RPL7L1: variants seen among roughly 807,000 people sequenced by gnomAD.
RPL7L1 encodes the protein ribosomal protein L7 like 1.
A neutral mutation model predicts 30.3 loss-of-function variants in RPL7L1; 20 were observed. The observed-to-expected ratio is 0.66, with a 90% CI of 0.46 to 0.96. The LOEUF is 0.96. Ranked by LOEUF, RPL7L1 falls within the 40% of genes least tolerant of loss-of-function variation. RPL7L1 has a pLI of 0.00. For synonymous variants in RPL7L1, 107 were observed against 110.1 expected, an observed-to-expected ratio of 0.97 and a Z score of 0.18; for missense variants, 271 against 314.9, an observed-to-expected ratio of 0.86 and a Z score of 1.05.
chr6:42,879,898 G>GGT lies in RPL7L1; in HGVS notation c.-11_-10dup. The GGT allele has an allele frequency of 6.2e-7, 1 of 1,613,548 alleles. No homozygotes were observed. Among genetic ancestry groups the GGT allele is most frequent in the Non-Finnish European group, 8.5e-7 (1 of 1,179,670 alleles). On this transcript the variant is annotated 5_prime_UTR_variant, in exon 1 of 6. Coordinates refer to ENST00000493763, the MANE Select transcript of RPL7L1 (RefSeq NM_001366481.3). ...AGAGCGTGTGCTGTCTTCCCCATGTGGTGGGGTTGCGCATGATCAGTAGCT... is the reference window on the plus strand; with the variant it reads ...AGAGCGTGTGCTGTCTTCCCCATGTGGTGTGGGGTTGCGCATGATCAGTAGCT...
chr6:42,884,876 C>G, intron 4 of RPL7L1, 126 bp downstream of exon 4: 1 of 890,072 alleles, frequency 1.1e-6, no homozygotes, highest in East Asian at 2.5e-5. Flanking sequence ...CACAGTCAAC[C>G]TGAAATCAGT....
intron 2 of RPL7L1, 75 bp from the exon 3 acceptor site, chr6:42,883,376 A>G (rs1766149199): frequency 2.6e-6 from 3 of 1,165,098 alleles, no homozygotes; most frequent in African/African-American, 1.5e-5. Flanking sequence ...ATCAGTTGTC[A>G]CTTATGAATT....
intron 1 of RPL7L1, 144 bp downstream of exon 1, chr6:42,880,095 T>TAGC: frequency 2.4e-6 from 2 of 830,628 alleles, no homozygotes; most frequent in Non-Finnish European, 2.0e-6. Context: ...TGAGGAGGAG[T>TAGC]AGCGCTGTGG....
chr6:42,883,704 A>C (rs1481967650), intron 3 of RPL7L1, 90 bp downstream of exon 3: 1 of 1,083,292 alleles, frequency 9.2e-7, no homozygotes, highest in Non-Finnish European at 1.3e-6. Context: ...AATATGCCCC[A>C]AGCCACTCAG....
In RPL7L1 at chr6:42,884,637, G is replaced by A; in HGVS notation, c.336G>A (p.Val112=). 4 of 1,613,104 alleles carry A rather than the reference G, an allele frequency of 2.5e-6. No individual in the cohort carries two copies. The highest frequency in any genetic ancestry group is 3.4e-6 in the Non-Finnish European group (4 of 1,179,780). The change falls in exon 4 of 6, where the codon GTG becomes GTA. Residue 112 remains valine (V), a synonymous_variant. Transcript: ENST00000493763. Reference sequence around the variant, plus strand: ...GGATTGACGGCGTGAGTTTACTGGTGCAGAGAACCATTGCAAGACTTCGCC... The same window carrying A: ...GGATTGACGGCGTGAGTTTACTGGTACAGAGAACCATTGCAAGACTTCGCC... ...IERIDGVSLL[V]QRTIARLRLK...
Position 42,888,471 on chromosome 6 carries a change from T to C in RPL7L1, c.*2007T>C, listed in dbSNP as rs895008298. ...CTGCGCCCAGCTCTTGTGTACCTTATGTGAGGAAGTCCTGCTCAATCAGGA... is the reference window on the plus strand; with the variant it reads ...CTGCGCCCAGCTCTTGTGTACCTTACGTGAGGAAGTCCTGCTCAATCAGGA... On this transcript the variant is annotated 3_prime_UTR_variant, in exon 6 of 6. Coordinates refer to ENST00000493763, the MANE Select transcript of RPL7L1 (RefSeq NM_001366481.3). 2.0e-5 allele frequency: 3 copies of C among 152,256 alleles called. No homozygotes were observed. The highest frequency in any genetic ancestry group is 7.2e-5 in the African/African-American group (3 of 41,466). The allele number at this position is 152,256 out of a possible 1,614,324, so 9.4% of individuals were successfully genotyped here. A position where few individuals can be genotyped will look rare whatever the true frequency, so the allele number is the denominator to read the frequency against.
At position 42,887,745 on chromosome 6, in the gene RPL7L1, T is replaced by C. The variant is rs1766327253; in HGVS notation, c.*1281T>C. 1 of 150,742 alleles carries C rather than the reference T, an allele frequency of 6.6e-6. No homozygotes were observed. Among genetic ancestry groups the C allele is most frequent in the Non-Finnish European group, 1.5e-5 (1 of 67,634 alleles). The allele number at this position is 150,742 out of a possible 1,614,324, so 9.3% of individuals were successfully genotyped here. A position where few individuals can be genotyped will look rare whatever the true frequency, so the allele number is the denominator to read the frequency against. On this transcript the variant is annotated 3_prime_UTR_variant, in exon 6 of 6. Coordinates refer to ENST00000493763, the MANE Select transcript of RPL7L1 (RefSeq NM_001366481.3). ...CTGCTTTGTTGCATGTATCCTAGGG[T>C]TTAATGTTGGTAAATGAGTCACTCT...
In RPL7L1 at chr6:42,879,889, T is replaced by G; in HGVS notation, c.-22T>G. The G allele has an allele frequency of 6.2e-7, 1 of 1,612,982 alleles. No individual in the cohort carries two copies. The highest frequency in any genetic ancestry group is 8.5e-7 in the Non-Finnish European group (1 of 1,179,328). ...CAAGTAAACAGAGCGTGTGCTGTCT[T>G]CCCCATGTGGTGGGGTTGCGCATGA... is the stretch of plus-strand genomic sequence containing the variant. On this transcript the variant is annotated 5_prime_UTR_variant, in exon 1 of 6. Coordinates refer to ENST00000493763, the MANE Select transcript of RPL7L1 (RefSeq NM_001366481.3).
chr6:42,883,427 G>A, intron 2 of RPL7L1, 24 bp from the exon 3 acceptor site: 1 of 1,531,982 alleles, frequency 6.5e-7, no homozygotes, highest in Non-Finnish European at 8.8e-7. Context: ...ACAAGATGAT[G>A]ATGATGGTCT....
Position 42,883,513 on chromosome 6 carries a change from G to A in RPL7L1, c.210G>A (p.Arg70=). ...AATCATTCCTACATGATTCCTGGCG[G>A]CAGAAACGTGACAAGGTGCGTCTCA... ...RLESFLHDSW[R]QKRDKVRLRR... Residue 70 remains arginine (R), a synonymous_variant, in exon 3 of 6, where the codon CGG becomes CGA. Coordinates refer to ENST00000493763, the MANE Select transcript of RPL7L1 (RefSeq NM_001366481.3). 6.2e-7 allele frequency: 1 copy of A among 1,609,234 alleles called. No homozygotes were observed. Among genetic ancestry groups the A allele is most frequent in the Non-Finnish European group, 8.5e-7 (1 of 1,177,786 alleles).
intron 4 of RPL7L1, among the ~76,000 whole-genome samples, chr6:42,885,364 C>T (rs1486024048): frequency 2.0e-5 from 3 of 148,760 alleles, no homozygotes; most frequent in South Asian, 2.1e-4. Context: ...CGGTGGATCA[C>T]GAGGTCGGGA....
At chr6:42,880,635 C>G in intron 1 of RPL7L1, 1 of 381,600 alleles carries the variant, frequency 2.6e-6, no homozygotes, top group Non-Finnish European at 4.8e-6. Flanking sequence ...GCCTCAGTCT[C>G]CCGAGTAGCT....
rs1304638552 is a variant in RPL7L1, at chr6:42,889,319, AAT to A, written c.*2856_*2857del. The A allele has an allele frequency of 6.6e-6, 1 of 152,306 alleles. No homozygotes were observed. The highest frequency in any genetic ancestry group is 1.9e-4 in the East Asian group (1 of 5,202). The allele number at this position is 152,306 out of a possible 1,614,324, so 9.4% of individuals were successfully genotyped here. On this transcript the variant is annotated 3_prime_UTR_variant, in exon 6 of 6. Coordinates refer to ENST00000493763, the MANE Select transcript of RPL7L1 (RefSeq NM_001366481.3). ...GCCGGATGTGGTGGTGCATGCCTGT[AAT>A]CCCAGCTACTTGGGAGGCTGAGGCA...
chr6:42,883,472 A>G lies in RPL7L1; in HGVS notation c.169A>G (p.Arg57Gly), dbSNP rs898995786. Residue 57 changes from arginine to glycine, a missense_variant, in exon 3 of 6, where the codon AGG becomes GGG. Coordinates refer to ENST00000493763, the MANE Select transcript of RPL7L1 (RefSeq NM_001366481.3). ...GTAGCAGAAGAAAGGAAAAGGGCTCAGGTTTAAGCGACTGGAATCATTCCT... is the reference window on the plus strand; with the variant it reads ...GTAGCAGAAGAAAGGAAAAGGGCTCGGGTTTAAGCGACTGGAATCATTCCT... ...KKEQKKGKGL[R>G]FKRLESFLHD... The G allele has an allele frequency of 1.3e-6, 2 of 1,590,436 alleles. No homozygotes were observed. Among genetic ancestry groups the G allele is most frequent in the Non-Finnish European group, 1.7e-6 (2 of 1,170,580 alleles).
rs1765995130 is a variant in RPL7L1 at position 42,879,671 on chromosome 6, C to T, written c.-240C>T. The T allele has an allele frequency of 4.2e-6, 2 of 471,130 alleles. No homozygotes were observed. Among genetic ancestry groups the T allele is most frequent in the East Asian group, 7.4e-5 (2 of 27,184 alleles). 29.2% of individuals were successfully genotyped at this position (471,130 alleles called of 1,614,324 possible). A position where few individuals can be genotyped will look rare whatever the true frequency, so the allele number is the denominator to read the frequency against. ...GTGGGAAGCACTTTGCTGTCCACAG[C>T]CAGGCCGCTTGTGATGAAACTGTAA... On this transcript the variant is annotated 5_prime_UTR_variant, in exon 1 of 6. Transcript: ENST00000493763.
Position 42,885,997 on chromosome 6 carries a change from G to A in RPL7L1, c.473G>A (p.Arg158Gln), listed in dbSNP as rs771880708. 28 of 1,605,522 alleles carry A rather than the reference G, an allele frequency of 1.7e-5. No individual in the cohort carries two copies. Among genetic ancestry groups the A allele is most frequent in the East Asian group, 1.3e-4 (6 of 44,876 alleles). Residue 158 changes from arginine (R) to glutamine (Q), a missense_variant, in exon 5 of 6, where the codon CGA (arginine) becomes CAA (glutamine). Transcript: ENST00000493763. ...AGATTTCCAAATCTGAAGTCTGTCCGAGAACTCATTTTGAAACGTGGACAA... is the reference window on the plus strand; with the variant it reads ...AGATTTCCAAATCTGAAGTCTGTCCAAGAACTCATTTTGAAACGTGGACAA... ...TWGFPNLKSVRELILKRGQAK... is the reference protein window; with the variant it reads ...TWGFPNLKSVQELILKRGQAK...
At chr6:42,884,187 A>G (rs934536178) in intron 3 of RPL7L1, among the ~76,000 whole-genome samples, 4 of 152,014 alleles carry the variant, frequency 2.6e-5, no homozygotes, top group Non-Finnish European at 4.4e-5. Context: ...TTCCTGAACT[A>G]TTGTATTAAC....
chr6:42,883,225 C>CT (rs1766143399), intron 2 of RPL7L1: 1 of 376,824 alleles, frequency 2.7e-6, no homozygotes, highest in South Asian at 4.8e-5. Context: ...AATATGTAAA[C>CT]TAATTTTTTG....
In RPL7L1 at chr6:42,887,121, CTT is replaced by C. The variant is rs1445565414; in HGVS notation, c.*659_*660del. On this transcript the variant is annotated 3_prime_UTR_variant, in exon 6 of 6. Coordinates refer to ENST00000493763, the MANE Select transcript of RPL7L1 (RefSeq NM_001366481.3). ...CTATTTTGCTGAAGAAATCTTAACT[CTT>C]TGAAATTACTTTTTATTGCTGTTGT... 3 of 152,026 alleles carry C rather than the reference CTT, an allele frequency of 2.0e-5. No homozygotes were observed. The highest frequency in any genetic ancestry group is 4.4e-5 in the Non-Finnish European group (3 of 68,032). 9.4% of individuals were successfully genotyped at this position (152,026 alleles called of 1,614,324 possible).
Sources: gnomAD v4.1 joint callset for allele counts (sites outside exome capture counted in the v4.1 genomes callset) on GRCh38, gnomAD v4.1.1 for gene constraint, MANE v1.5 for transcripts, NCBI Gene and HGNC (gene_info 2026-07-23, HGNC 2026-07-21) for gene names.